The following ERICH6 variants were observed in gnomAD, a reference collection of about 807,000 sequenced individuals.
ERICH6 encodes the protein glutamate-rich protein 6.
A neutral mutation model predicts 71.0 loss-of-function variants in ERICH6; 71 were observed. The observed-to-expected ratio is 1.00, with a 90% CI of 0.83 to 1.22. The LOEUF is 1.22. Among genes scored for constraint, ERICH6 ranks in the 50% most tolerant of loss-of-function variants. The pLI is 0.00. For synonymous variants in ERICH6, 262 were observed against 278.4 expected, an observed-to-expected ratio of 0.94 and a Z score of 0.59; for missense variants, 808 against 797.2, an observed-to-expected ratio of 1.01 and a Z score of -0.16.
intron 6 of ERICH6, among the ~76,000 whole-genome samples, chr3:150,684,766 C>G (rs1008980922): frequency 1.1e-4 from 17 of 152,042 alleles, no homozygotes; most frequent in African/African-American, 4.1e-4. Context: ...ACCCATGTTT[C>G]CAGGTTTTGT....
intron 2 of ERICH6, among the ~76,000 whole-genome samples, chr3:150,699,164 A>G (rs1276945709): frequency 6.6e-6 from 1 of 152,164 alleles, no homozygotes; most frequent in Non-Finnish European, 1.5e-5. Context: ...TAAAAAAATT[A>G]GCCAGATGTT....
chr3:150,667,116 C>T lies in ERICH6; in HGVS notation c.1500-101G>A, dbSNP rs996884328. ...TAACCAAGGGGAGTAACGGTTTATG[C>T]CAGCGATTAGCAGGAGTGGTGGAAA... is the stretch of plus-strand genomic sequence containing the variant. On this transcript the variant is annotated intron_variant, in intron 12 of 13. Transcript: ENST00000295910. The T allele has an allele frequency of 6.5e-6, 7 of 1,079,908 alleles. No homozygotes were observed. The African/African-American group carries it at 9.5e-5, about 15-fold the overall frequency. 66.9% of individuals were successfully genotyped at this position (1,079,908 alleles called of 1,614,324 possible).
chr3:150,694,539 T>C (rs1216592456), intron 3 of ERICH6, among the ~76,000 whole-genome samples: 2 of 152,194 alleles, frequency 1.3e-5, no homozygotes, highest in African/African-American at 4.8e-5. Context: ...GAATTGACTA[T>C]TCCCCTACCT....
intron 3 of ERICH6, 111 bp downstream of exon 3, chr3:150,698,677 TTAG>T (rs1712745333): frequency 1.3e-6 from 1 of 789,208 alleles, no homozygotes; most frequent in African/African-American, 1.7e-5. Context: ...CATCACAAGG[TTAG>T]TATGTGTTGG....
chr3:150,666,764 A>C, intron 13 of ERICH6, 23 bp downstream of exon 13: 1 of 1,597,710 alleles, frequency 6.3e-7, no homozygotes. Context: ...AATGCTTTAA[A>C]CTGTTTTTAA....
At chr3:150,695,826 G>A (rs1467757387) in intron 3 of ERICH6, among the ~76,000 whole-genome samples, 1 of 150,662 alleles carries the variant, frequency 6.6e-6, no homozygotes, top group African/African-American at 2.4e-5. Context: ...GGTACACTAG[G>A]TTCCTGAAAA....
chr3:150,694,979 C>T (rs748663363), intron 3 of ERICH6, among the ~76,000 whole-genome samples: 11 of 152,184 alleles, frequency 7.2e-5, no homozygotes, highest in Non-Finnish European at 1.6e-4. Context: ...TGTGTCCTCA[C>T]ATGGTAGAAG....
chr3:150,663,811 A>G (rs1559908455), intron 13 of ERICH6, among the ~76,000 whole-genome samples: 1 of 151,708 alleles, frequency 6.6e-6, no homozygotes, highest in Admixed American at 6.6e-5. Context: ...AGAAATCCAG[A>G]TGGGTATGTT....
intron 10 of ERICH6, among the ~76,000 whole-genome samples, chr3:150,677,561 A>G (rs1186459865): frequency 2.0e-5 from 3 of 151,978 alleles, no homozygotes; most frequent in Non-Finnish European, 2.9e-5. Flanking sequence ...CAGTGGCACA[A>G]TCTCGGTTCA....
In ERICH6 at chr3:150,666,854, T is replaced by C; in HGVS notation, c.1661A>G (p.Asp554Gly). Residue 554 changes from aspartate to glycine, a missense_variant, in exon 13 of 14, where the codon GAC (aspartate) becomes GGC (glycine). Around this residue, in one of 3 missense-constraint regions of ERICH6, gnomAD observed 736 missense variants for 712.2 expected, o/e 1.03. Transcript: ENST00000295910. Reference sequence around the variant, plus strand: ...TGCTAGAAAAGTTATAGAAATCTTGTCTTGTTCTAAGATGCGGACTCCAAT... The same window carrying C: ...TGCTAGAAAAGTTATAGAAATCTTGCCTTGTTCTAAGATGCGGACTCCAAT... Reference protein sequence around the residue: ...RYIGVRILEQDKISITFLAMG... With the variant: ...RYIGVRILEQGKISITFLAMG... 1 of 1,614,172 alleles carries C rather than the reference T, an allele frequency of 6.2e-7. No individual in the cohort carries two copies. Among genetic ancestry groups the C allele is most frequent in the Non-Finnish European group, 8.5e-7 (1 of 1,180,038 alleles).
chr3:150,680,509 A>G lies in ERICH6; in HGVS notation c.1070T>C (p.Phe357Ser). The G allele has an allele frequency of 3.1e-6, 5 of 1,614,242 alleles. No homozygotes were observed. The highest frequency in any genetic ancestry group is 3.4e-6 in the Non-Finnish European group (4 of 1,180,040). ...RKQEQRMARH[F>S]AIISREQTHF... The stretch of plus-strand genomic sequence containing the variant: ...AGTCTGTTCCCTTGATATTATTGCA[A>G]AATGTCTGGCCATTCGTTGCTCCTG... The change falls in exon 9 of 14, where the codon TTT (phenylalanine) becomes TCT (serine). Residue 357 changes from phenylalanine (F) to serine (S), a missense_variant. Coordinates refer to ENST00000295910, the MANE Select transcript of ERICH6 (RefSeq NM_152394.5).
chr3:150,698,887 A>G lies in ERICH6; in HGVS notation c.462-5T>C, dbSNP rs374788746. On this transcript the variant is annotated splice_region_variant and splice_polypyrimidine_tract_variant and intron_variant, in intron 2 of 13. Coordinates refer to ENST00000295910, the MANE Select transcript of ERICH6 (RefSeq NM_152394.5). Reference sequence around the variant, plus strand: ...GACAAATTGCGATGAATATTTCTGAAATTTCGACAAAAATGTTTTGAGTAT... The same window carrying G: ...GACAAATTGCGATGAATATTTCTGAGATTTCGACAAAAATGTTTTGAGTAT... The G allele has an allele frequency of 1.7e-5, 27 of 1,608,906 alleles. No individual in the cohort carries two copies. The highest frequency in any genetic ancestry group is 2.3e-5 in the Non-Finnish European group (27 of 1,175,458).
intron 11 of ERICH6, among the ~76,000 whole-genome samples, chr3:150,673,110 TTTTCCTTCCTTCCTTCCTTCTTC>T (rs1347973119): frequency 1.3e-5 from 2 of 149,994 alleles, no homozygotes; most frequent in African/African-American, 4.9e-5. Flanking sequence ...CTTCCTTCCT[TTTTCCTTCCTTCCTTCCTTCTTC>T]CTTCCTTCCT....
intron 3 of ERICH6, among the ~76,000 whole-genome samples, chr3:150,687,900 T>C (rs1712263239): frequency 6.6e-6 from 1 of 152,120 alleles, no homozygotes; most frequent in Non-Finnish European, 1.5e-5. Context: ...GGGAGATTAC[T>C]TGAGTACATG....
intron 3 of ERICH6, among the ~76,000 whole-genome samples, chr3:150,690,960 T>G (rs1712409559): frequency 6.6e-6 from 1 of 152,232 alleles, no homozygotes; most frequent in Non-Finnish European, 1.5e-5. Flanking sequence ...GCAGTGAGGT[T>G]TGTTTTGGGA....
intron 12 of ERICH6, among the ~76,000 whole-genome samples, chr3:150,668,313 G>T (rs866766324): frequency 6.6e-6 from 1 of 152,178 alleles, no homozygotes; most frequent in Non-Finnish European, 1.5e-5. Context: ...TACACAAGAG[G>T]CAGAGAGGGC....
Position 150,703,676 on chromosome 3 carries a change from C to G in ERICH6, c.223G>C (p.Glu75Gln). Residue 75 changes from glutamate to glutamine, a missense_variant, in exon 1 of 14, where the codon GAA (glutamate) becomes CAA (glutamine). By Grantham distance (29) the Glu-to-Gln change is conservative. This residue lies in a region of ERICH6 where 736 missense variants were observed against 712.2 expected (regional missense o/e 1.03). Transcript: ENST00000295910. ...QELEAPETFS[E>Q]EYLWKVTDIG... ...TCCGTGACCTTCCAGAGGTACTCTT[C>G]GCTGAACGTCTCAGGGGCCTCCAAC... 1.2e-6 allele frequency: 2 copies of G among 1,613,326 alleles called. No individual in the cohort carries two copies. Among genetic ancestry groups the G allele is most frequent in the Non-Finnish European group, 8.5e-7 (1 of 1,179,536 alleles).
intron 11 of ERICH6, among the ~76,000 whole-genome samples, chr3:150,670,138 GAAACT>G (rs1711497981): frequency 6.6e-6 from 1 of 151,946 alleles, no homozygotes; most frequent in Non-Finnish European, 1.5e-5. Context: ...CCTAAGATCA[GAAACT>G]AAACAAAAAT....
Position 150,703,626 on chromosome 3 carries a change from G to C in ERICH6, c.273C>G (p.Phe91Leu), listed in dbSNP as rs1576567797. The change falls in exon 1 of 14, where the codon TTC (phenylalanine) becomes TTG (leucine). Residue 91 changes from phenylalanine to leucine, a missense_variant. Physicochemically the swap from Phe to Leu is conservative, Grantham distance 22 (BLOSUM62 0). This residue lies in a region of ERICH6 where 736 missense variants were observed against 712.2 expected (regional missense o/e 1.03). Transcript: ENST00000295910. The part of the protein sequence containing the change: ...VTDIGDYDDD[F>L]PDVRPRLASI... ...TGGCTAAGCGGGGGCGCACGTCTGG[G>C]AAGTCGTCGTCGTAGTCACCGATGT... is the stretch of plus-strand genomic sequence containing the variant. The C allele has an allele frequency of 6.2e-7, 1 of 1,613,924 alleles. No individual in the cohort carries two copies. The highest frequency in any genetic ancestry group is 1.3e-5 in the African/African-American group (1 of 74,900).
Sources: allele counts gnomAD v4.1 joint callset (sites outside exome capture counted in the v4.1 genomes callset), GRCh38; gene constraint gnomAD v4.1.1; regional missense constraint gnomAD v4.1.1; transcripts MANE v1.5; gene names NCBI Gene and HGNC (gene_info 2026-07-23, HGNC 2026-07-21).